Variants in ANK1 observed in about 807,000 individuals in gnomAD.
The protein encoded by ANK1 is ankyrin-1.
A neutral mutation model predicts 210.4 loss-of-function variants in ANK1; 51 were observed. The observed-to-expected ratio is 0.24, with a 90% confidence interval of 0.19 to 0.31. The LOEUF is 0.31. Ranked by LOEUF, ANK1 falls within the 10% of genes least tolerant of loss-of-function variation. The pLI is 1.00. For missense variants in ANK1, 2,051 were observed against 2,504.4 expected, an observed-to-expected ratio of 0.82 and a Z score of 3.86; for synonymous variants, 967 against 1,025.9, an observed-to-expected ratio of 0.94 and a Z score of 1.10.
chr8:41,672,867 C>T lies in ANK1; in HGVS notation c.4583G>A (p.Gly1528Asp), dbSNP rs756261656. The T allele has an allele frequency of 7.5e-6, 12 of 1,608,344 alleles. No homozygotes were observed. The highest frequency in any genetic ancestry group is 9.3e-6 in the Non-Finnish European group (11 of 1,179,918). The change falls in exon 38 of 43, where the codon GGC becomes GAC. Residue 1528 changes from glycine to aspartate, a missense_variant. Physicochemically the swap from Gly to Asp is moderately conservative, Grantham distance 94. Coordinates refer to ENST00000289734, the MANE Select transcript of ANK1 (RefSeq NM_000037.4). ...ACGTAGCGGAGAGGAAAGTGCACAG[C>T]CCAGGGAGGCAGGGGACAGCAGCTC... ...QDELLSPASL[G>D]CALSSPLRAD...
rs867000753 is a variant in ANK1, at chr8:41,729,262, A to T, written c.229-1256T>A. 2.0e-5 allele frequency among the ~76,000 whole-genome samples: 3 copies of T among 152,258 alleles called. No homozygotes were observed. The South Asian group carries it at 6.2e-4, about 32-fold the overall frequency. On this transcript the variant is annotated intron_variant, in intron 3 of 42. Coordinates refer to ENST00000289734, the MANE Select transcript of ANK1 (RefSeq NM_000037.4). The stretch of plus-strand genomic sequence containing the variant: ...AAGGGTTCACCAAATCCAAGAGGAG[A>T]GAAAAACTGGAGAGAATAAACACTG...
intron 1 of ANK1, among the ~76,000 whole-genome samples, chr8:41,774,552 C>T (rs1216680332): frequency 3.3e-5 from 5 of 152,360 alleles, no homozygotes; most frequent in Admixed American, 1.3e-4. Context: ...CCAACCTGCC[C>T]TGCCCATCCT....
chr8:41,764,562 C>CT (rs1661507432), intron 1 of ANK1, among the ~76,000 whole-genome samples: 3 of 152,322 alleles, frequency 2.0e-5, no homozygotes, highest in Admixed American at 2.0e-4. Flanking sequence ...AGGAGGCCTG[C>CT]TCATCCTATA....
intron 38 of ANK1, 144 bp from the exon 39 acceptor site, chr8:41,668,708 A>T: frequency 2.2e-6 from 2 of 925,258 alleles, no homozygotes; most frequent in Admixed American, 5.4e-5. Flanking sequence ...CATCCCTCCA[A>T]AGGTCAGGGG....
chr8:41,715,835 T>C lies in ANK1; in HGVS notation c.1419A>G (p.Pro473=). ...GGCCGATGCGAGCTGCACAGTGAAG[T>C]GGGGTCTGGTCATCCTGGACCCCGA... is the stretch of plus-strand genomic sequence containing the variant. ...VNAKAKDDQT[P]LHCAARIGHT... The change falls in exon 14 of 43, where the codon CCA becomes CCG. Residue 473 remains proline (P), a synonymous_variant. Transcript: ENST00000289734. The C allele has an allele frequency of 6.2e-7, 1 of 1,614,228 alleles. No homozygotes were observed.
chr8:41,698,446 T>C (rs903884381), intron 23 of ANK1, among the ~76,000 whole-genome samples: 4 of 152,232 alleles, frequency 2.6e-5, no homozygotes, highest in African/African-American at 9.6e-5. Flanking sequence ...CGGTCAGGGT[T>C]ACAGCTCTGT....
At chr8:41,696,259 G>A (rs933359710) in intron 26 of ANK1, 104 bp downstream of exon 26, 4 of 1,318,390 alleles carry the variant, frequency 3.0e-6, no homozygotes, top group Non-Finnish European at 4.3e-6. Context: ...GTCAGGGAAA[G>A]GGGAGGGGCA....
intron 1 of ANK1, among the ~76,000 whole-genome samples, chr8:41,806,713 C>A (rs1347994570): frequency 6.6e-6 from 1 of 152,140 alleles, no homozygotes; most frequent in Non-Finnish European, 1.5e-5. Flanking sequence ...CCACTGCACT[C>A]CAGCCTTGGC....
intron 1 of ANK1, among the ~76,000 whole-genome samples, chr8:41,854,668 G>C (rs182578056): frequency 6.6e-6 from 1 of 152,304 alleles, no homozygotes; most frequent in Non-Finnish European, 1.5e-5. Flanking sequence ...CGCTGGTCGT[G>C]GTGGTTCACA....
chr8:41,874,923 A>G (rs902037070), intron 1 of ANK1, among the ~76,000 whole-genome samples: 1 of 152,170 alleles, frequency 6.6e-6, no homozygotes, highest in African/African-American at 2.4e-5. Flanking sequence ...GGCACTTGCA[A>G]TATAACCCCA....
rs1827250740 is a variant in ANK1, at chr8:41,715,077, G to A, written c.1603-3C>T. ...ACGTGCAGAGGGGTAAATCCTTTCT[G>A]AGGAGAAACAGGCTGTCAGGACCTT... On this transcript the variant is annotated splice_region_variant and splice_polypyrimidine_tract_variant and intron_variant, in intron 14 of 42. Transcript: ENST00000289734. 2 of 1,614,042 alleles carry A rather than the reference G, an allele frequency of 1.2e-6. No individual in the cohort carries two copies. The highest frequency in any genetic ancestry group is 1.7e-6 in the Non-Finnish European group (2 of 1,179,980).
intron 1 of ANK1, among the ~76,000 whole-genome samples, chr8:41,845,700 C>T (rs137882224): frequency 2.0e-4 from 30 of 152,200 alleles, no homozygotes; most frequent in African/African-American, 7.0e-4. Flanking sequence ...CATAAACGTG[C>T]ATAAATTATG....
chr8:41,675,907 G>A (rs971089838), intron 37 of ANK1, among the ~76,000 whole-genome samples: 10 of 152,114 alleles, frequency 6.6e-5, no homozygotes, highest in African/African-American at 1.9e-4. Flanking sequence ...TTCACTCAAC[G>A]TAGTCAATTT....
At chr8:41,703,446 A>ATTTTTTT (rs1465782716) in intron 20 of ANK1, among the ~76,000 whole-genome samples, 3 of 61,580 alleles carry the variant, frequency 4.9e-5, no homozygotes, top group African/African-American at 2.0e-4. Flanking sequence ...ATATATATAT[A>ATTTTTTT]TATATTTTTT....
chr8:41,834,540 G>A (rs1807264072), intron 1 of ANK1, among the ~76,000 whole-genome samples: 1 of 152,242 alleles, frequency 6.6e-6, no homozygotes, highest in Non-Finnish European at 1.5e-5. Context: ...GTGGTCTCCA[G>A]CCTGGCCTGG....
chr8:41,706,448 C>T (rs1032197415), intron 17 of ANK1, among the ~76,000 whole-genome samples: 2 of 152,222 alleles, frequency 1.3e-5, no homozygotes, highest in African/African-American at 4.8e-5. Flanking sequence ...GCAACTTTTG[C>T]TGTTAAGGGC....
intron 1 of ANK1, among the ~76,000 whole-genome samples, chr8:41,878,073 G>C (rs916466216): frequency 6.6e-6 from 1 of 152,158 alleles, no homozygotes; most frequent in Non-Finnish European, 1.5e-5. Context: ...TCTGGAAGGC[G>C]GCAGAGTCCA....
intron 4 of ANK1, 73 bp from the exon 5 acceptor site, chr8:41,727,421 C>T (rs1033285817): frequency 9.2e-7 from 1 of 1,082,706 alleles, no homozygotes; most frequent in South Asian, 1.3e-5. Context: ...ACAACGTCCT[C>T]TCACCTGGAG....
At chr8:41,790,570 C>T (rs569893275) in intron 1 of ANK1, among the ~76,000 whole-genome samples, 1 of 152,156 alleles carries the variant, frequency 6.6e-6, no homozygotes, top group East Asian at 1.9e-4. Context: ...CCCCACCCCA[C>T]CAATTCATGA....
Sources: gnomAD v4.1 joint callset for allele counts (sites outside exome capture counted in the v4.1 genomes callset) on GRCh38, gnomAD v4.1.1 for gene constraint, MANE v1.5 for transcripts, NCBI Gene and HGNC (gene_info 2026-07-23, HGNC 2026-07-21) for gene names.